IQCJ: variants seen among roughly 807,000 people sequenced by gnomAD.
IQCJ encodes IQ domain-containing protein J.
IQCJ carries 9 observed loss-of-function variants against 11.0 expected under a neutral mutation model. The ratio of observed to expected loss-of-function variants is 0.82; its 90% CI spans 0.49 to 1.43. IQCJ has a LOEUF of 1.43. IQCJ is among the 40% of genes most tolerant of loss of function. The pLI, the probability that IQCJ is intolerant of heterozygous loss-of-function variation, is 0.00. For missense variants in IQCJ, 146 were observed against 133.2 expected, an observed-to-expected ratio of 1.10 and a Z score of -0.47; for synonymous variants, 55 against 51.3, an observed-to-expected ratio of 1.07 and a Z score of -0.31.
At chr3:159,220,541 A>G (rs1725475210) in intron 1 of IQCJ, among the ~76,000 whole-genome samples, 1 of 152,108 alleles carries the variant, frequency 6.6e-6, no homozygotes, top group South Asian at 2.1e-4. Context: ...ACTGTAAGAA[A>G]ATACATTTCT....
chr3:159,162,397 G>A (rs910580064), intron 1 of IQCJ, among the ~76,000 whole-genome samples: 3 of 152,178 alleles, frequency 2.0e-5, no homozygotes, highest in African/African-American at 7.2e-5. Context: ...CTGAGACTTT[G>A]CTGAAGTTGC....
At chr3:159,197,807 G>A (rs1224034279) in intron 1 of IQCJ, among the ~76,000 whole-genome samples, 2 of 151,954 alleles carry the variant, frequency 1.3e-5, no homozygotes, top group East Asian at 3.9e-4. Flanking sequence ...TGGTACTGTG[G>A]ACCCAATGTG....
chr3:159,259,265 C>CA (rs1311496161), intron 3 of IQCJ, among the ~76,000 whole-genome samples: 80 of 149,926 alleles, frequency 5.3e-4, no homozygotes, highest in African/African-American at 1.5e-3. Flanking sequence ...ACTGACCTAG[C>CA]AAAAAGAAAA....
intron 1 of IQCJ, among the ~76,000 whole-genome samples, chr3:159,186,377 T>TA (rs1440402929): frequency 5.9e-5 from 9 of 152,342 alleles, no homozygotes; most frequent in African/African-American, 2.2e-4. Flanking sequence ...ATAATTAAAC[T>TA]AATCCTTCAA....
intron 1 of IQCJ, among the ~76,000 whole-genome samples, chr3:159,232,730 TGTTA>T (rs1375177779): frequency 6.6e-6 from 1 of 152,214 alleles, no homozygotes; most frequent in African/African-American, 2.4e-5. Flanking sequence ...TGTAGATGTC[TGTTA>T]GTTCCACTTG....
At chr3:159,241,916 C>T (rs1291274584) in intron 1 of IQCJ, among the ~76,000 whole-genome samples, 1 of 152,132 alleles carries the variant, frequency 6.6e-6, no homozygotes. Flanking sequence ...AAATATACCA[C>T]AAGTGATGGG....
At chr3:159,160,029 A>G (rs190004019) in intron 1 of IQCJ, among the ~76,000 whole-genome samples, 104 of 152,294 alleles carry the variant, frequency 6.8e-4, no homozygotes, top group Non-Finnish European at 1.1e-3. Flanking sequence ...TCCTTTGCAA[A>G]TCTGACTAAC....
At chr3:159,159,140 G>A (rs1721695899) in intron 1 of IQCJ, among the ~76,000 whole-genome samples, 2 of 152,206 alleles carry the variant, frequency 1.3e-5, no homozygotes, top group Admixed American at 1.3e-4. Context: ...TGCTGAGTAA[G>A]CTAAGATTAG....
intron 3 of IQCJ, among the ~76,000 whole-genome samples, chr3:159,257,349 C>G (rs1008896500): frequency 3.3e-5 from 5 of 152,202 alleles, no homozygotes; most frequent in African/African-American, 1.2e-4. Context: ...GAAGCACCTT[C>G]TCAGTCCTCA....
rs144874271 is a variant in IQCJ, at chr3:159,158,123, T to C, written c.10-87720T>C. Among the ~76,000 whole-genome samples the C allele has an allele frequency of 3.5e-3, 536 of 152,366 alleles. 2 individuals are homozygous for C. The highest frequency in any genetic ancestry group is 0.012 in the African/African-American group (506 of 41,588). On this transcript the variant is annotated intron_variant, in intron 1 of 3. Coordinates refer to ENST00000397832, the MANE Select transcript of IQCJ (RefSeq NM_001042706.3). ...ATATAAATTGCCTTATATTTATATG[T>C]GCAATTTTCTTTTAAACCAGTTTTT...
At chr3:159,120,500 C>T (rs1319202493) in intron 1 of IQCJ, among the ~76,000 whole-genome samples, 1 of 152,182 alleles carries the variant, frequency 6.6e-6, no homozygotes, top group Non-Finnish European at 1.5e-5. Context: ...TTCTCTTTTC[C>T]ATTGGCTAGA....
chr3:159,259,172 C>G (rs914046728), intron 3 of IQCJ, among the ~76,000 whole-genome samples: 2 of 152,118 alleles, frequency 1.3e-5, no homozygotes, highest in Admixed American at 6.5e-5. Context: ...GCCAACCGCA[C>G]TGCAAAACAC....
intron 1 of IQCJ, among the ~76,000 whole-genome samples, chr3:159,193,699 T>A (rs1723815828): frequency 6.6e-6 from 1 of 152,192 alleles, no homozygotes; most frequent in Non-Finnish European, 1.5e-5. Context: ...ACTACCCCTT[T>A]CTATTAGAAT....
intron 1 of IQCJ, among the ~76,000 whole-genome samples, chr3:159,106,065 A>AT (rs1239881277): frequency 6.6e-6 from 1 of 152,178 alleles, no homozygotes; most frequent in Non-Finnish European, 1.5e-5. Flanking sequence ...AGTAGAGCAA[A>AT]TAACATTTGC....
chr3:159,094,380 C>A (rs1047191825), intron 1 of IQCJ, among the ~76,000 whole-genome samples: 2 of 116,194 alleles, frequency 1.7e-5, no homozygotes, highest in African/African-American at 3.2e-5. Flanking sequence ...TCTTCAGGAT[C>A]TTTTTTGTTT....
chr3:159,078,145 T>C (rs1716066604), intron 1 of IQCJ, among the ~76,000 whole-genome samples: 1 of 93,648 alleles, frequency 1.1e-5, no homozygotes, highest in African/African-American at 2.9e-5. Context: ...AAGCATTAGA[T>C]GGGGGCAAGG....
At chr3:159,147,351 C>G (rs1047849878) in intron 1 of IQCJ, among the ~76,000 whole-genome samples, 2 of 152,194 alleles carry the variant, frequency 1.3e-5, no homozygotes, top group African/African-American at 4.8e-5. Flanking sequence ...TGAGCACTTC[C>G]CTTTTCAATC....
intron 2 of IQCJ, 54 bp from the exon 3 acceptor site, chr3:159,252,673 A>G (rs1727668119): frequency 6.7e-7 from 1 of 1,495,844 alleles, no homozygotes; most frequent in Non-Finnish European, 9.1e-7. Flanking sequence ...TATTATTGCT[A>G]TAGATGTTAA....
intron 1 of IQCJ, among the ~76,000 whole-genome samples, chr3:159,118,799 A>G (rs949755144): frequency 1.3e-5 from 2 of 152,162 alleles, no homozygotes; most frequent in African/African-American, 4.8e-5. Flanking sequence ...TTCTCCTTAT[A>G]TTGGAAACCC....
Sources: gnomAD v4.1 joint callset for allele counts (sites outside exome capture counted in the v4.1 genomes callset) on GRCh38, gnomAD v4.1.1 for gene constraint, MANE v1.5 for transcripts, NCBI Gene and HGNC (gene_info 2026-07-23, HGNC 2026-07-21) for gene names.